Variants in ERC2 observed in about 807,000 individuals in gnomAD.
ERC2 encodes ERC protein 2.
Under a neutral mutation model 114.8 loss-of-function variants are expected in ERC2, and 42 were observed. The observed-to-expected ratio is 0.37, with a 90% CI of 0.29 to 0.47. The LOEUF (loss-of-function observed/expected upper bound fraction) is 0.47, where lower values mean the gene tolerates loss of function less well. ERC2 is among the 20% of genes least tolerant of loss of function. The pLI is 0.99. For synonymous variants in ERC2, 454 were observed against 425.5 expected (o/e 1.07, Z -0.82); for missense variants, 939 against 1,150.7 (o/e 0.82, Z 2.66).
chr3:56,360,054 C>G (rs1038640751), intron 2 of ERC2, among the ~76,000 whole-genome samples: 3 of 129,456 alleles, frequency 2.3e-5, no homozygotes, highest in Non-Finnish European at 4.9e-5. Flanking sequence ...TCAATAGTAA[C>G]AAAAATCTTT....
intron 17 of ERC2, among the ~76,000 whole-genome samples, chr3:55,615,858 T>TTGGCCGGAGGGCAA (rs1289902785): frequency 1.3e-5 from 2 of 152,200 alleles, no homozygotes; most frequent in Non-Finnish European, 2.9e-5. Flanking sequence ...GCCGAGCCAT[T>TTGGCCGGAGGGCAA]TGGCCGGAGG....
In ERC2 at chr3:55,662,051, C is replaced by T. The variant is rs113894551; in HGVS notation, c.*39+21743G>A. Among the ~76,000 whole-genome samples the T allele has an allele frequency of 4.0e-4, 61 of 152,304 alleles. 1 individual carries two copies. The highest frequency in any genetic ancestry group is 1.4e-3 in the African/African-American group (60 of 41,566). On this transcript the variant is annotated intron_variant, in intron 17 of 17. Coordinates refer to ENST00000288221, the MANE Select transcript of ERC2 (RefSeq NM_015576.3). ...CTCCAGATTTCAAACTGTCAGCCAGCAGGGTCTGAACAGGGAGGACTCTTG... is the reference window on the plus strand; with the variant it reads ...CTCCAGATTTCAAACTGTCAGCCAGTAGGGTCTGAACAGGGAGGACTCTTG...
At chr3:55,831,578 G>C (rs1281883070) in intron 14 of ERC2, among the ~76,000 whole-genome samples, 1 of 152,134 alleles carries the variant, frequency 6.6e-6, no homozygotes, top group African/African-American at 2.4e-5. Flanking sequence ...TCATATCAAG[G>C]ATTATAATAG....
chr3:56,410,324 A>G (rs1576821076), intron 2 of ERC2, among the ~76,000 whole-genome samples: 4 of 152,268 alleles, frequency 2.6e-5, no homozygotes, highest in South Asian at 4.1e-4. Flanking sequence ...CATTAAATGT[A>G]CCACACAATA....
chr3:56,448,122 C>A (rs971320786), intron 1 of ERC2, among the ~76,000 whole-genome samples: 3 of 152,104 alleles, frequency 2.0e-5, no homozygotes, highest in African/African-American at 7.2e-5. Flanking sequence ...ATCAGCATCC[C>A]CAAAGCCTCT....
intron 16 of ERC2, among the ~76,000 whole-genome samples, chr3:55,690,374 C>T (rs553160800): frequency 2.0e-5 from 3 of 152,278 alleles, no homozygotes; most frequent in Non-Finnish European, 4.4e-5. Flanking sequence ...AAATGGATTT[C>T]CCTGCTTCCC....
At chr3:55,766,016 T>A (rs1457670882) in intron 14 of ERC2, among the ~76,000 whole-genome samples, 1 of 152,204 alleles carries the variant, frequency 6.6e-6, no homozygotes, top group Non-Finnish European at 1.5e-5. Context: ...GGGAAGAATC[T>A]GCTGAGGCTC....
chr3:56,107,808 C>T (rs1175256489), intron 6 of ERC2, among the ~76,000 whole-genome samples: 1 of 152,184 alleles, frequency 6.6e-6, no homozygotes, highest in African/African-American at 2.4e-5. Flanking sequence ...TAAATAGTAA[C>T]TGATTCCTAC....
At chr3:55,689,824 A>C (rs1159089561) in intron 16 of ERC2, among the ~76,000 whole-genome samples, 1 of 152,076 alleles carries the variant, frequency 6.6e-6, no homozygotes, top group Non-Finnish European at 1.5e-5. Context: ...AAAAAAAGAA[A>C]AGAAAAGAAA....
chr3:55,938,884 T>C (rs868305938), intron 13 of ERC2, among the ~76,000 whole-genome samples: 25 of 152,128 alleles, frequency 1.6e-4, no homozygotes, highest in Non-Finnish European at 2.6e-4. Context: ...CTTAAAAATT[T>C]CAATTTTATA....
chr3:56,297,930 A>C (rs1291878283), intron 2 of ERC2, among the ~76,000 whole-genome samples: 1 of 152,164 alleles, frequency 6.6e-6, no homozygotes, highest in Non-Finnish European at 1.5e-5. Context: ...CTGGGTATCC[A>C]ATTCATATTC....
At chr3:55,711,875 C>A (rs901395949) in intron 15 of ERC2, among the ~76,000 whole-genome samples, 13 of 152,196 alleles carry the variant, frequency 8.5e-5, no homozygotes, top group Non-Finnish European at 1.8e-4. Flanking sequence ...CAAGAGAGAA[C>A]CCTAAAATAG....
At chr3:56,399,336 T>C (rs2060434477) in intron 2 of ERC2, among the ~76,000 whole-genome samples, 1 of 152,200 alleles carries the variant, frequency 6.6e-6, no homozygotes, top group Non-Finnish European at 1.5e-5. Flanking sequence ...TCTGGCTTAT[T>C]ACACATGCAG....
At chr3:55,698,114 G>A (rs1018687757) in intron 16 of ERC2, among the ~76,000 whole-genome samples, 1 of 151,922 alleles carries the variant, frequency 6.6e-6, no homozygotes, top group South Asian at 2.1e-4. Context: ...AATATTTTGG[G>A]AGCTAAAACA....
At chr3:55,593,749 G>A (rs746562327) in intron 17 of ERC2, among the ~76,000 whole-genome samples, 2 of 151,984 alleles carry the variant, frequency 1.3e-5, no homozygotes, top group Admixed American at 6.6e-5. Context: ...GAATCCTCTT[G>A]CTTTTGTATC....
chr3:55,966,003 G>A (rs1417052733), intron 12 of ERC2, among the ~76,000 whole-genome samples: 7 of 152,092 alleles, frequency 4.6e-5, no homozygotes, highest in African/African-American at 1.2e-4. Context: ...AAAATCCACC[G>A]CTAAAATGTC....
intron 5 of ERC2, among the ~76,000 whole-genome samples, chr3:56,145,551 G>C (rs182815514): frequency 6.6e-6 from 1 of 152,266 alleles, no homozygotes; most frequent in Admixed American, 6.5e-5. Context: ...TGTTGGGGTA[G>C]GAATTGGAGT....
chr3:55,623,230 A>G (rs531838513), intron 17 of ERC2, among the ~76,000 whole-genome samples: 25 of 152,356 alleles, frequency 1.6e-4, no homozygotes, highest in Admixed American at 1.5e-3. Context: ...TCATTACCAC[A>G]GAGGATTACT....
At chr3:55,833,260 A>G (rs200367101) in intron 14 of ERC2, among the ~76,000 whole-genome samples, 21,576 of 143,472 alleles carry the variant, frequency 0.15, 2,620 homozygotes, top group African/African-American at 0.32. Flanking sequence ...TACAGAGAAC[A>G]CCACAAAGAT....
Sources: allele counts gnomAD v4.1 joint callset (sites outside exome capture counted in the v4.1 genomes callset), GRCh38; gene constraint gnomAD v4.1.1; transcripts MANE v1.5; gene names NCBI Gene and HGNC (gene_info 2026-07-23, HGNC 2026-07-21).